The following CELF2 variants were observed in gnomAD, a reference collection of about 807,000 sequenced individuals.
CELF2 encodes CUG triplet repeat RNA-binding protein 2.
A neutral mutation model predicts 62.6 loss-of-function variants in CELF2; 8 were observed. The observed-to-expected ratio is 0.13, with a 90% CI of 0.07 to 0.23. CELF2 has a LOEUF of 0.23. CELF2 is among the 10% of genes least tolerant of loss of function. The pLI is 1.00. For missense variants in CELF2, 333 were observed against 671.0 expected, an observed-to-expected ratio of 0.50 and a Z score of 5.56; for synonymous variants, 258 against 250.0, an observed-to-expected ratio of 1.03 and a Z score of -0.30.
At chr10:10,547,901 T>G in the CELF2 span, among the ~76,000 whole-genome samples, 12 of 152,004 alleles carry the variant, frequency 7.9e-5, no homozygotes, top group Non-Finnish European at 1.6e-4. Flanking sequence ...TTTTCCTTTG[T>G]TGTGGAATAT....
chr10:10,749,440 G>A, the CELF2 span, among the ~76,000 whole-genome samples: 1 of 152,162 alleles, frequency 6.6e-6, no homozygotes, highest in Admixed American at 6.5e-5. Flanking sequence ...TGGCACCTGA[G>A]TGACAGAAAT....
At chr10:10,565,158 G>A in the CELF2 span, among the ~76,000 whole-genome samples, 1 of 152,200 alleles carries the variant, frequency 6.6e-6, no homozygotes, top group Non-Finnish European at 1.5e-5. Flanking sequence ...GGTGAGGAGA[G>A]GCATTCAGTC....
At chr10:10,774,453 A>G in the CELF2 span, among the ~76,000 whole-genome samples, 735 of 152,316 alleles carry the variant, frequency 4.8e-3, 4 homozygotes, top group African/African-American at 0.01. Context: ...TGGATCCTTC[A>G]TGAATGGTTT....
intron 1 of CELF2, among the ~76,000 whole-genome samples, chr10:11,033,487 C>T (rs544459563): frequency 2.0e-5 from 3 of 152,290 alleles, no homozygotes; most frequent in African/African-American, 4.8e-5. Context: ...AGCCTCCCGA[C>T]CTCAGGTGAT....
chr10:11,277,861 A>T (rs534049712), intron 8 of CELF2, among the ~76,000 whole-genome samples: 1 of 152,230 alleles, frequency 6.6e-6, no homozygotes, highest in South Asian at 2.1e-4. Context: ...TAGAGGGGGC[A>T]CATAAACAAT....
chr10:10,966,272 T>C (rs1282322018), intron 2 of CELF2, among the ~76,000 whole-genome samples: 1 of 152,212 alleles, frequency 6.6e-6, no homozygotes, highest in Non-Finnish European at 1.5e-5. Context: ...CTTTGTTAGC[T>C]AGTGACTGGG....
At chr10:11,147,823 A>G (rs1159495933) in intron 1 of CELF2, among the ~76,000 whole-genome samples, 1 of 152,194 alleles carries the variant, frequency 6.6e-6, no homozygotes, top group Non-Finnish European at 1.5e-5. Flanking sequence ...TTGCAAATCC[A>G]TTTTTGTGAA....
the CELF2 span, among the ~76,000 whole-genome samples, chr10:10,696,910 A>G: frequency 2.6e-5 from 4 of 152,068 alleles, no homozygotes; most frequent in East Asian, 7.7e-4. Flanking sequence ...TGAACCCGGT[A>G]CCTCAGATGG....
At chr10:10,901,766 A>C (rs949944939) in intron 1 of CELF2, among the ~76,000 whole-genome samples, 1 of 152,228 alleles carries the variant, frequency 6.6e-6, no homozygotes, top group Non-Finnish European at 1.5e-5. Context: ...TATCCGATGA[A>C]GAAATTGTGT....
At chr10:11,048,914 G>T (rs2139921121) in intron 1 of CELF2, among the ~76,000 whole-genome samples, 1 of 152,264 alleles carries the variant, frequency 6.6e-6, no homozygotes, top group East Asian at 1.9e-4. Context: ...AACATCATTG[G>T]AATTGTCAGG....
In CELF2 at chr10:11,302,396, C is replaced by T. The variant is rs749941569; in HGVS notation, c.977-11743C>T. On this transcript the variant is annotated intron_variant, in intron 9 of 12. Coordinates refer to ENST00000633077, the MANE Select transcript of CELF2 (RefSeq NM_001326342.2). This position sits in a 1 kb window ranked among gnomAD's most constrained non-coding sequence, Gnocchi z 5.0. ...AGCCCCACAACCAGAGCGTCTGACT[C>T]AGCGGGAGTGAGGGGAGCCCCAGGT... is the stretch of plus-strand genomic sequence containing the variant. Among the ~76,000 whole-genome samples the T allele has an allele frequency of 9.9e-5, 15 of 152,216 alleles. No individual in the cohort carries two copies. The highest frequency in any genetic ancestry group is 1.9e-4 in the Non-Finnish European group (13 of 68,036).
intron 4 of CELF2, among the ~76,000 whole-genome samples, chr10:11,252,831 T>G (rs2137526347): frequency 6.6e-6 from 1 of 152,328 alleles, no homozygotes; most frequent in East Asian, 1.9e-4. Context: ...AGGAGCACAC[T>G]GAGTAAACCA....
At chr10:11,058,617 C>T (rs1197950670) in intron 1 of CELF2, among the ~76,000 whole-genome samples, 1 of 151,694 alleles carries the variant, frequency 6.6e-6, no homozygotes, top group African/African-American at 2.4e-5. Context: ...CAGGCATGCA[C>T]CACCACACCT....
At chr10:11,047,971 A>T (rs77064456) in intron 1 of CELF2, among the ~76,000 whole-genome samples, 1,972 of 152,298 alleles carry the variant, frequency 0.013, 42 homozygotes, top group African/African-American at 0.044. Context: ...AAATATCATA[A>T]TAAAGATTCA....
At chr10:10,582,903 G>A in the CELF2 span, among the ~76,000 whole-genome samples, 8 of 152,270 alleles carry the variant, frequency 5.3e-5, no homozygotes, top group Admixed American at 5.2e-4. Context: ...GGAAGTGATG[G>A]TTTCTTTCTA....
chr10:11,123,481 C>G (rs1341035704), intron 1 of CELF2, among the ~76,000 whole-genome samples: 1 of 152,148 alleles, frequency 6.6e-6, no homozygotes. Flanking sequence ...AACTCCTGGG[C>G]TCAAGAGACC....
chr10:11,067,274 G>A (rs183654183), intron 1 of CELF2, among the ~76,000 whole-genome samples: 4 of 152,296 alleles, frequency 2.6e-5, no homozygotes, highest in East Asian at 1.9e-4. Context: ...CTGGGCTTAC[G>A]TTAAGTCATG....
rs78175419 is a variant in CELF2, at chr10:11,110,424, G to A, written c.75-55062G>A. 4.6e-5 allele frequency among the ~76,000 whole-genome samples: 7 copies of A among 152,092 alleles called. No individual in the cohort carries two copies. The highest frequency in any genetic ancestry group is 8.8e-5 in the Non-Finnish European group (6 of 68,020). On this transcript the variant is annotated intron_variant, in intron 1 of 12. Transcript: ENST00000633077. This position sits in a 1 kb window ranked among gnomAD's most constrained non-coding sequence, Gnocchi z 4.0. Reference sequence around the variant, plus strand: ...ATGAAGTTTTAGGAAGCCATCTAACGCTTAGTACTTCTTTTCCCATCTCCT... The same window carrying A: ...ATGAAGTTTTAGGAAGCCATCTAACACTTAGTACTTCTTTTCCCATCTCCT...
chr10:11,174,840 G>T (rs1003069575), intron 2 of CELF2, among the ~76,000 whole-genome samples: 1 of 152,118 alleles, frequency 6.6e-6, no homozygotes. Context: ...AACTACTATA[G>T]TTTAATGGGA....
Sources: gnomAD v4.1 joint callset for allele counts (sites outside exome capture counted in the v4.1 genomes callset) on GRCh38, gnomAD v4.1.1 for gene constraint, Gnocchi (gnomAD v3.1) non-coding constraint, MANE v1.5 for transcripts, NCBI Gene and HGNC (gene_info 2026-07-23, HGNC 2026-07-21) for gene names.